CNTNAP2: variants seen among roughly 807,000 people sequenced by gnomAD.
The protein encoded by CNTNAP2 is contactin-associated protein-like 2.
A neutral mutation model predicts 155.2 loss-of-function variants in CNTNAP2; 98 were observed. The observed-to-expected ratio is 0.63, with a 90% CI of 0.54 to 0.75. CNTNAP2 has a LOEUF of 0.75. CNTNAP2 is among the 30% of genes least tolerant of loss of function. The pLI is 0.00. For missense variants in CNTNAP2, 1,727 were observed against 1,688.1 expected (o/e 1.02, Z -0.40); for synonymous variants, 651 against 631.2 (o/e 1.03, Z -0.47).
At chr7:147,189,748 T>TTG (rs71753507) in intron 8 of CNTNAP2, among the ~76,000 whole-genome samples, 56,782 of 151,550 alleles carry the variant, frequency 0.37, 11,440 homozygotes, top group East Asian at 0.61. Context: ...ACCACTTTTT[T>TTG]TTGTTGTTGT....
At chr7:147,047,139 C>T (rs1410172016) in intron 4 of CNTNAP2, among the ~76,000 whole-genome samples, 3 of 112,038 alleles carry the variant, frequency 2.7e-5, no homozygotes, top group East Asian at 3.0e-4. Flanking sequence ...GACGTAGTCT[C>T]GATTTGCCAC....
At chr7:148,246,592 A>AGACC (rs72362214) in intron 20 of CNTNAP2, among the ~76,000 whole-genome samples, 1 of 90,206 alleles carries the variant, frequency 1.1e-5, no homozygotes. Context: ...TAAAACTAGG[A>AGACC]GACCAGCCAA....
At chr7:146,451,902 T>C (rs191822820) in intron 1 of CNTNAP2, among the ~76,000 whole-genome samples, 3,876 of 95,964 alleles carry the variant, frequency 0.04, 209 homozygotes, top group African/African-American at 0.19. Flanking sequence ...TATTTATTTA[T>C]TTATTATTTA....
At chr7:147,634,800 C>G (rs1344351198) in intron 12 of CNTNAP2, among the ~76,000 whole-genome samples, 2 of 152,094 alleles carry the variant, frequency 1.3e-5, no homozygotes, top group Non-Finnish European at 2.9e-5. Context: ...CCAATGCCAA[C>G]AGTTGCTTGT....
chr7:147,489,698 C>T (rs373832987), intron 11 of CNTNAP2, among the ~76,000 whole-genome samples: 1 of 152,270 alleles, frequency 6.6e-6, no homozygotes. Context: ...TCACTGCAAC[C>T]TCCACCTCCC....
chr7:147,499,491 C>T (rs7800482), intron 11 of CNTNAP2, among the ~76,000 whole-genome samples: 43,525 of 151,780 alleles, frequency 0.29, 6,376 homozygotes, highest in East Asian at 0.43. Flanking sequence ...ATAGTGCCAC[C>T]GCACTCCAGC....
intron 1 of CNTNAP2, among the ~76,000 whole-genome samples, chr7:146,459,075 C>G (rs1461812843): frequency 1.4e-4 from 21 of 152,150 alleles, no homozygotes; most frequent in Non-Finnish European, 1.6e-4. Context: ...GATTATATTT[C>G]TTTCAAATGT....
chr7:147,368,969 G>A (rs1011012794), intron 9 of CNTNAP2, among the ~76,000 whole-genome samples: 3 of 152,190 alleles, frequency 2.0e-5, no homozygotes, highest in African/African-American at 7.2e-5. Context: ...TGCAAAACTT[G>A]TGGAAGGCAG....
chr7:146,826,855 T>TAGAGAGAG (rs1453854243), intron 2 of CNTNAP2, among the ~76,000 whole-genome samples: 26 of 140,078 alleles, frequency 1.9e-4, no homozygotes, highest in African/African-American at 7.2e-4. Flanking sequence ...TATATATATA[T>TAGAGAGAG]ATAGAGAGAG....
At chr7:147,286,988 T>C (rs1003738093) in intron 8 of CNTNAP2, among the ~76,000 whole-genome samples, 1 of 152,114 alleles carries the variant, frequency 6.6e-6, no homozygotes, top group African/African-American at 2.4e-5. Context: ...AATCTTTCTT[T>C]GTTAAAGAAA....
chr7:146,976,294 C>T (rs1797908834), intron 3 of CNTNAP2, among the ~76,000 whole-genome samples: 1 of 152,138 alleles, frequency 6.6e-6, no homozygotes, highest in Non-Finnish European at 1.5e-5. Context: ...AGCTGACTGT[C>T]CTCCAGCCCA....
rs1799969119 is a variant in CNTNAP2, at chr7:148,415,652, A to G, written c.*36A>G. 2 of 1,611,478 alleles carry G rather than the reference A, an allele frequency of 1.2e-6. No individual in the cohort carries two copies. Among genetic ancestry groups the G allele is most frequent in the Non-Finnish European group, 1.7e-6 (2 of 1,178,964 alleles). On this transcript the variant is annotated 3_prime_UTR_variant, in exon 24 of 24. Transcript: ENST00000361727. ...CTTGGCTATGGGATAGGGAGGAGGG[A>G]ATTACTAGGGAGGAGAGAAAGGGAC...
intron 1 of CNTNAP2, among the ~76,000 whole-genome samples, chr7:146,211,714 T>G (rs112522385): frequency 0.015 from 2,316 of 152,178 alleles, 51 homozygotes; most frequent in African/African-American, 0.052. Context: ...TCAGAATTAG[T>G]GAGTCAAACA....
Position 147,271,522 on chromosome 7 carries a change from A to G in CNTNAP2, c.1349-28619A>G, listed in dbSNP as rs1362103119. ...ATTAGTCTGTTTTCACACTGCTGGT[A>G]AAAACGTACCTGAGACTGGGTAATT... On this transcript the variant is annotated intron_variant, in intron 8 of 23. Transcript: ENST00000361727. Among the ~76,000 whole-genome samples, 3 of 152,288 alleles carry G rather than the reference A, an allele frequency of 2.0e-5. No individual in the cohort carries two copies. The East Asian group carries it at 5.8e-4, about 29-fold the overall frequency.
intron 21 of CNTNAP2, among the ~76,000 whole-genome samples, chr7:148,303,554 CAT>C (rs1440762311): frequency 6.6e-6 from 1 of 152,208 alleles, no homozygotes; most frequent in Non-Finnish European, 1.5e-5. Context: ...TAAGGTCATA[CAT>C]ACTAAGCTGA....
chr7:147,452,176 C>A (rs1251184375), intron 10 of CNTNAP2, among the ~76,000 whole-genome samples: 1 of 152,138 alleles, frequency 6.6e-6, no homozygotes, highest in Non-Finnish European at 1.5e-5. Flanking sequence ...TAGAGACAAA[C>A]CCTAAAAAGG....
chr7:146,432,639 G>A (rs181429503), intron 1 of CNTNAP2, among the ~76,000 whole-genome samples: 8 of 152,188 alleles, frequency 5.3e-5, no homozygotes, highest in East Asian at 3.9e-4. Context: ...ACTAATTCAC[G>A]TCTTTCCTCA....
intron 15 of CNTNAP2, chr7:148,056,519 T>C (rs571117960): frequency 4.6e-5 from 7 of 152,302 alleles, no homozygotes; most frequent in Admixed American, 2.0e-4. Context: ...GAGGACATTC[T>C]CTGAAATCCC....
chr7:146,259,683 A>C (rs1028137538), intron 1 of CNTNAP2, among the ~76,000 whole-genome samples: 1 of 152,218 alleles, frequency 6.6e-6, no homozygotes, highest in African/African-American at 2.4e-5. Context: ...GCTGAGTCTG[A>C]AAGCATTCAG....
Sources: gnomAD v4.1 joint callset for allele counts (sites outside exome capture counted in the v4.1 genomes callset) on GRCh38, gnomAD v4.1.1 for gene constraint, MANE v1.5 for transcripts, NCBI Gene and HGNC (gene_info 2026-07-23, HGNC 2026-07-21) for gene names.